Variants in TMEM44 observed in about 807,000 individuals in gnomAD.
TMEM44 encodes transmembrane protein 44.
TMEM44 carries 43 observed loss-of-function variants against 47.8 expected under a neutral mutation model. That is an observed-to-expected ratio of 0.90 (90% CI 0.70 to 1.16). The LOEUF is 1.16. TMEM44 is among the 50% of genes most tolerant of loss of function. The probability of loss-of-function intolerance (pLI) is 0.00; values close to 1 mark genes in which losing one functional copy is unlikely to be tolerated. For missense variants in TMEM44, 568 were observed against 555.2 expected (o/e 1.02, Z -0.23); for synonymous variants, 277 against 238.8 (o/e 1.16, Z -1.48).
At chr3:194,605,445 G>A (rs923389461) in intron 8 of TMEM44, among the ~76,000 whole-genome samples, 2 of 152,230 alleles carry the variant, frequency 1.3e-5, no homozygotes, top group Non-Finnish European at 2.9e-5. Context: ...AGGTTTAATG[G>A]ACTTACAGTT....
intron 9 of TMEM44, among the ~76,000 whole-genome samples, chr3:194,600,257 A>G (rs1400138824): frequency 6.6e-6 from 1 of 151,718 alleles, no homozygotes; most frequent in Non-Finnish European, 1.5e-5. Context: ...ACGCCAAGCT[A>G]ATTTTTAAAA....
At chr3:194,592,172 C>A (rs377395831) in intron 9 of TMEM44, among the ~76,000 whole-genome samples, 2 of 148,726 alleles carry the variant, frequency 1.3e-5, no homozygotes, top group South Asian at 2.2e-4. Flanking sequence ...GAGCCGAGAT[C>A]GCACCACTGC....
chr3:194,590,570 T>C (rs939608849), intron 9 of TMEM44, among the ~76,000 whole-genome samples: 3 of 152,152 alleles, frequency 2.0e-5, no homozygotes, highest in Admixed American at 1.3e-4. Context: ...CTGAGGATGG[T>C]CAGTGTGCTC....
intron 9 of TMEM44, chr3:194,589,396 G>GTATTACC (rs1456492857): frequency 6.6e-6 from 1 of 152,274 alleles, no homozygotes; most frequent in South Asian, 2.1e-4. Flanking sequence ...CTTTCTCTTT[G>GTATTACC]TATTACCTAT....
chr3:194,605,165 T>TATCC (rs1463142489), intron 8 of TMEM44, among the ~76,000 whole-genome samples: 2 of 152,030 alleles, frequency 1.3e-5, no homozygotes, highest in African/African-American at 4.8e-5. Context: ...TCTATGTATC[T>TATCC]ATTTATGTAT....
chr3:194,617,811 C>G (rs1026476314), intron 5 of TMEM44: 2 of 698,344 alleles, frequency 2.9e-6, no homozygotes, highest in East Asian at 5.4e-5. Context: ...GGGTGGATAT[C>G]TCATGAATGG....
At chr3:194,599,509 G>T (rs1484800850) in intron 9 of TMEM44, among the ~76,000 whole-genome samples, 2 of 152,092 alleles carry the variant, frequency 1.3e-5, no homozygotes, top group Admixed American at 6.5e-5. Flanking sequence ...TGGTTGGTAG[G>T]CTTGAGGGTT....
Position 194,628,445 on chromosome 3 carries a change from A to AGCAC in TMEM44, c.198_201dup (p.Cys68ValfsTer9). The AGCAC allele has an allele frequency of 6.2e-7, 1 of 1,613,580 alleles. No homozygotes were observed. Among genetic ancestry groups the AGCAC allele is most frequent in the Non-Finnish European group, 8.5e-7 (1 of 1,179,758 alleles). ...GTGTCACACAGACTGGTCAGGAGGC[A>AGCAC]GCACGCAGCACACAGTGCCGACTGG... is the stretch of plus-strand genomic sequence containing the variant. On this transcript the variant is annotated frameshift_variant, in exon 2 of 10. Transcript: ENST00000347147. LOFTEE classifies it high-confidence loss of function.
At chr3:194,599,825 T>A (rs1485529235) in intron 9 of TMEM44, among the ~76,000 whole-genome samples, 1 of 151,634 alleles carries the variant, frequency 6.6e-6, no homozygotes, top group Non-Finnish European at 1.5e-5. Context: ...AATGGCTCGA[T>A]CTCGGCTCAC....
At chr3:194,625,869 A>G (rs769038666) in intron 3 of TMEM44, 28 bp downstream of exon 3, 2 of 1,575,484 alleles carry the variant, frequency 1.3e-6, no homozygotes, top group Non-Finnish European at 1.7e-6. Flanking sequence ...GGGTGAATAA[A>G]GACAGGAAAA....
intron 9 of TMEM44, chr3:194,593,103 T>A: frequency 6.2e-7 from 1 of 1,611,560 alleles, no homozygotes; most frequent in Non-Finnish European, 8.5e-7. Flanking sequence ...ACAGAAAAAG[T>A]GTTGGACAGA....
At chr3:194,631,704 C>T (rs969333104) in intron 1 of TMEM44, among the ~76,000 whole-genome samples, 6 of 152,150 alleles carry the variant, frequency 3.9e-5, no homozygotes, top group Non-Finnish European at 7.3e-5. Context: ...GGCTTTGCTC[C>T]GTACCCTGTT....
In TMEM44 at chr3:194,611,088, G is replaced by A; in HGVS notation, c.913-68C>T. The A allele has an allele frequency of 1.5e-6, 2 of 1,356,032 alleles. No homozygotes were observed. The highest frequency in any genetic ancestry group is 4.6e-5 in the East Asian group (2 of 43,246). The allele number at this position is 1,356,032 out of a possible 1,614,324, so 84.0% of individuals were successfully genotyped here. On this transcript the variant is annotated intron_variant, in intron 7 of 9. Coordinates refer to ENST00000347147, the MANE Select transcript of TMEM44 (RefSeq NM_001011655.3). This position sits in a 1 kb window ranked among gnomAD's most constrained non-coding sequence, Gnocchi z 4.2. ...GTCAGGAGGCATTTTCTAAAAACAA[G>A]GTCACATTTTATTCAAAAGGACCCC...
intron 9 of TMEM44, among the ~76,000 whole-genome samples, chr3:194,600,845 G>A (rs1714017484): frequency 6.6e-6 from 1 of 152,174 alleles, no homozygotes; most frequent in Non-Finnish European, 1.5e-5. Context: ...TTGCTCATTT[G>A]TTGTAAGTCT....
intron 9 of TMEM44, among the ~76,000 whole-genome samples, chr3:194,590,641 T>G (rs981989258): frequency 2.6e-5 from 4 of 152,212 alleles, no homozygotes; most frequent in Non-Finnish European, 4.4e-5. Flanking sequence ...TCACAGCGTG[T>G]GCTTGACCAG....
At chr3:194,624,722 C>T (rs1008407157) in intron 3 of TMEM44, among the ~76,000 whole-genome samples, 2 of 136,048 alleles carry the variant, frequency 1.5e-5, no homozygotes, top group Non-Finnish European at 3.3e-5. Flanking sequence ...CCACTTGGTT[C>T]ATCCCCTTTT....
chr3:194,596,363 C>CT (rs1017102229), intron 9 of TMEM44, among the ~76,000 whole-genome samples: 2 of 152,190 alleles, frequency 1.3e-5, no homozygotes, highest in African/African-American at 4.8e-5. Context: ...CCTCTAGAGA[C>CT]TAAGAGTACA....
intron 9 of TMEM44, among the ~76,000 whole-genome samples, chr3:194,601,809 G>A (rs1005778053): frequency 6.6e-6 from 1 of 152,138 alleles, no homozygotes; most frequent in Non-Finnish European, 1.5e-5. Flanking sequence ...AGTAGAGAAA[G>A]AACAAAGACT....
In TMEM44 at chr3:194,611,089, G is replaced by T. The variant is rs1715279635; in HGVS notation, c.913-69C>A. ...TCAGGAGGCATTTTCTAAAAACAAG[G>T]TCACATTTTATTCAAAAGGACCCCC... On this transcript the variant is annotated intron_variant, in intron 7 of 9. Transcript: ENST00000347147. This position sits in a 1 kb window ranked among gnomAD's most constrained non-coding sequence, Gnocchi z 4.2. 7 of 1,344,466 alleles carry T rather than the reference G, an allele frequency of 5.2e-6. No individual in the cohort carries two copies. The South Asian group carries it at 8.5e-5, about 16-fold the overall frequency. The allele number at this position is 1,344,466 out of a possible 1,614,324, so 83.3% of individuals were successfully genotyped here. A position where few individuals can be genotyped will look rare whatever the true frequency, so the allele number is the denominator to read the frequency against.
Sources: allele counts gnomAD v4.1 joint callset (sites outside exome capture counted in the v4.1 genomes callset), GRCh38; gene constraint gnomAD v4.1.1; non-coding constraint Gnocchi (gnomAD v3.1); transcripts MANE v1.5; gene names NCBI Gene and HGNC (gene_info 2026-07-23, HGNC 2026-07-21).